Variants in SULT1C3 observed in about 807,000 individuals in gnomAD.
The protein encoded by SULT1C3 is sulfotransferase 1C3.
In SULT1C3, 31 loss-of-function variants were observed where a neutral mutation model predicts 28.4. The ratio of observed to expected loss-of-function variants is 1.09; its 90% CI spans 0.82 to 1.47. SULT1C3 has a LOEUF of 1.47. Ranked by LOEUF, SULT1C3 falls within the 40% of genes most tolerant of loss-of-function variation. SULT1C3 has a pLI of 0.00. For synonymous variants in SULT1C3, 106 were observed against 92.2 expected, an observed-to-expected ratio of 1.15 and a Z score of -0.86; for missense variants, 307 against 272.5, an observed-to-expected ratio of 1.13 and a Z score of -0.89.
intron 4 of SULT1C3, among the ~76,000 whole-genome samples, chr2:108,254,594 G>C (rs1675814688): frequency 6.6e-6 from 1 of 151,824 alleles, no homozygotes; most frequent in African/African-American, 2.4e-5. Flanking sequence ...CACGTAGGAA[G>C]AGTTAACATC....
chr2:108,254,800 CAT>C (rs1296281341), intron 4 of SULT1C3, among the ~76,000 whole-genome samples: 4 of 146,630 alleles, frequency 2.7e-5, no homozygotes, highest in Admixed American at 1.4e-4. Context: ...TGTATGTATG[CAT>C]ATATATGTAT....
intron 5 of SULT1C3, among the ~76,000 whole-genome samples, chr2:108,257,292 C>T (rs1456168821): frequency 1.3e-5 from 2 of 151,926 alleles, no homozygotes; most frequent in Non-Finnish European, 2.9e-5. Context: ...CCTGATTTTC[C>T]AGCATCCCCT....
intron 2 of SULT1C3, among the ~76,000 whole-genome samples, chr2:108,250,329 T>C (rs952824734): frequency 2.6e-5 from 4 of 152,012 alleles, no homozygotes; most frequent in African/African-American, 9.7e-5. Context: ...TTCAACATCA[T>C]TTATCATGAG....
rs140296678 is a variant in SULT1C3 at position 108,260,343 on chromosome 2, T to C, written c.803-225T>C. On this transcript the variant is annotated intron_variant, in intron 7 of 7. Coordinates refer to ENST00000681802, the MANE Select transcript of SULT1C3 (RefSeq NM_001320878.2). ...CACAGTGGGGCACCTCAGTGGGGCCTGCAGCATTTGAGGAAGGAGTATAAG... is the reference window on the plus strand; with the variant it reads ...CACAGTGGGGCACCTCAGTGGGGCCCGCAGCATTTGAGGAAGGAGTATAAG... Among the ~76,000 whole-genome samples, 9 of 152,194 alleles carry C rather than the reference T, an allele frequency of 5.9e-5. No individual in the cohort carries two copies. The East Asian group carries it at 1.7e-3, about 29-fold the overall frequency.
At chr2:108,256,044 G>A (rs1322452236) in intron 5 of SULT1C3, among the ~76,000 whole-genome samples, 1 of 152,020 alleles carries the variant, frequency 6.6e-6, no homozygotes, top group Non-Finnish European at 1.5e-5. Context: ...TCATCTTGCA[G>A]TGTGATTGGA....
intron 4 of SULT1C3, 148 bp from the exon 5 acceptor site, chr2:108,255,424 C>T: frequency 2.1e-6 from 2 of 968,906 alleles, no homozygotes; most frequent in Non-Finnish European, 2.9e-6. Flanking sequence ...AAAAAGACTC[C>T]ATTTATTTAA....
At chr2:108,242,892 G>C (rs186754965) in intron 1 of SULT1C3, among the ~76,000 whole-genome samples, 1 of 152,062 alleles carries the variant, frequency 6.6e-6, no homozygotes, top group Non-Finnish European at 1.5e-5. Context: ...TAATTCAGTC[G>C]ACTGAGAGGA....
At chr2:108,242,013 G>A (rs1675473503) in intron 1 of SULT1C3, among the ~76,000 whole-genome samples, 1 of 151,506 alleles carries the variant, frequency 6.6e-6, no homozygotes, top group Non-Finnish European at 1.5e-5. Context: ...GACCCAGACA[G>A]AAACGCAAAT....
chr2:108,247,431 G>T, intron 2 of SULT1C3, 65 bp downstream of exon 2: 1 of 1,357,920 alleles, frequency 7.4e-7, no homozygotes, highest in Non-Finnish European at 9.8e-7. Flanking sequence ...AATCTGTATT[G>T]ATAAATGAAG....
chr2:108,251,254 G>A (rs1675719509), intron 2 of SULT1C3, among the ~76,000 whole-genome samples: 1 of 151,940 alleles, frequency 6.6e-6, no homozygotes, highest in African/African-American at 2.4e-5. Context: ...GAGGGGATTA[G>A]AAAATAAGCA....
chr2:108,249,093 T>A (rs1675663061), intron 2 of SULT1C3, among the ~76,000 whole-genome samples: 1 of 152,044 alleles, frequency 6.6e-6, no homozygotes, highest in African/African-American at 2.4e-5. Flanking sequence ...CACCCTGAAG[T>A]CCCAGATGAG....
chr2:108,247,932 C>T (rs561352931), intron 2 of SULT1C3, among the ~76,000 whole-genome samples: 10 of 152,204 alleles, frequency 6.6e-5, no homozygotes. Context: ...AATGGGCACA[C>T]CTAATGCCCA....
chr2:108,249,480 C>T (rs1675674026), intron 2 of SULT1C3, among the ~76,000 whole-genome samples: 1 of 151,912 alleles, frequency 6.6e-6, no homozygotes. Flanking sequence ...ATTCCAGCAA[C>T]ACACAGTTGG....
In SULT1C3 at chr2:108,247,383, A is replaced by T. The variant is rs1675614039; in HGVS notation, c.172+17A>T. The T allele has an allele frequency of 1.3e-6, 2 of 1,513,204 alleles. No homozygotes were observed. Among genetic ancestry groups the T allele is most frequent in the Middle Eastern group, 1.8e-4 (1 of 5,678 alleles). The allele number at this position is 1,513,204 out of a possible 1,614,324, so 93.7% of individuals were successfully genotyped here. A position where few individuals can be genotyped will look rare whatever the true frequency, so the allele number is the denominator to read the frequency against. On this transcript the variant is annotated intron_variant, in intron 2 of 7. Transcript: ENST00000681802. ...CAAAGTCAGGTAAGGGTAGCAAAAC[A>T]TAAAAATATTCAATATTTTCACGTG... is the stretch of plus-strand genomic sequence containing the variant.
At chr2:108,255,306 G>A (rs1272864914) in intron 4 of SULT1C3, among the ~76,000 whole-genome samples, 1 of 151,886 alleles carries the variant, frequency 6.6e-6, no homozygotes, top group Non-Finnish European at 1.5e-5. Context: ...TCCTAATAAT[G>A]TGTTCATCTT....
intron 4 of SULT1C3, among the ~76,000 whole-genome samples, chr2:108,254,146 G>A (rs968885044): frequency 2.0e-5 from 3 of 151,898 alleles, no homozygotes; most frequent in Non-Finnish European, 2.9e-5. Flanking sequence ...ACAGGTGGAC[G>A]AAGATGCCTC....
At chr2:108,252,640 T>C (rs1675761060) in intron 3 of SULT1C3, 147 bp downstream of exon 3, 2 of 935,238 alleles carry the variant, frequency 2.1e-6, no homozygotes, top group African/African-American at 1.7e-5. Flanking sequence ...AATCAAACTC[T>C]AGATTGGGTC....
At chr2:108,244,759 A>G (rs1675539415) in intron 1 of SULT1C3, among the ~76,000 whole-genome samples, 1 of 152,146 alleles carries the variant, frequency 6.6e-6, no homozygotes, top group African/African-American at 2.4e-5. Flanking sequence ...GGCACCCCCA[A>G]ATAAGGGAAT....
chr2:108,247,902 C>G (rs1483134363), intron 2 of SULT1C3, among the ~76,000 whole-genome samples: 1 of 152,102 alleles, frequency 6.6e-6, no homozygotes, highest in Non-Finnish European at 1.5e-5. Flanking sequence ...AATTCCTAGA[C>G]TGGAACACAT....
Sources: gnomAD v4.1 joint callset for allele counts (sites outside exome capture counted in the v4.1 genomes callset) on GRCh38, gnomAD v4.1.1 for gene constraint, MANE v1.5 for transcripts, NCBI Gene and HGNC (gene_info 2026-07-23, HGNC 2026-07-21) for gene names.